DHX40: variants seen among roughly 807,000 people sequenced by gnomAD.
DHX40 encodes DEAH-box helicase 40.
In DHX40, 28 loss-of-function variants were observed where a neutral mutation model predicts 89.6. That is an observed-to-expected ratio of 0.31 (90% CI 0.23 to 0.43). The LOEUF (loss-of-function observed/expected upper bound fraction) is 0.43, where lower values mean the gene tolerates loss of function less well. DHX40 is among the 20% of genes least tolerant of loss of function. The pLI is 1.00. For missense variants in DHX40, 457 were observed against 844.0 expected (o/e 0.54, Z 5.68); for synonymous variants, 226 against 283.6 (o/e 0.80, Z 2.04).
intron 13 of DHX40, 36 bp downstream of exon 13, chr17:59,598,887 A>G (rs2030293150): frequency 5.6e-6 from 8 of 1,434,826 alleles, no homozygotes; most frequent in Admixed American, 1.7e-5. Flanking sequence ...AAAAATGTCA[A>G]TTTGATGTAT....
chr17:59,566,068 C>G (rs957609181), intron 1 of DHX40, among the ~76,000 whole-genome samples: 2 of 152,140 alleles, frequency 1.3e-5, no homozygotes, highest in Non-Finnish European at 2.9e-5. Context: ...ACCCTTTGTT[C>G]TCTACCCATT....
chr17:59,592,112 C>T (rs906244267), intron 12 of DHX40, among the ~76,000 whole-genome samples: 4 of 151,546 alleles, frequency 2.6e-5, no homozygotes, highest in African/African-American at 9.7e-5. Flanking sequence ...CTCAAGCAAT[C>T]CTCCTGCTTT....
intron 14 of DHX40, among the ~76,000 whole-genome samples, chr17:59,600,221 C>G (rs1205298928): frequency 1.3e-5 from 2 of 152,122 alleles, no homozygotes; most frequent in Non-Finnish European, 1.5e-5. Flanking sequence ...TACAGTAAGT[C>G]CTCACTTAAT....
At chr17:59,570,796 C>T in intron 3 of DHX40, 133 bp downstream of exon 3, 2 of 833,516 alleles carry the variant, frequency 2.4e-6, no homozygotes, top group Non-Finnish European at 3.4e-6. Context: ...TGATCTCCTA[C>T]CTCAGCCCCT....
intron 15 of DHX40, chr17:59,604,137 T>C (rs1465006089): frequency 6.6e-6 from 1 of 152,234 alleles, no homozygotes; most frequent in Non-Finnish European, 1.5e-5. Flanking sequence ...TAATTGTTAG[T>C]AATGTATCAG....
chr17:59,588,243 C>A (rs1378649139), intron 12 of DHX40, among the ~76,000 whole-genome samples, 190 bp downstream of exon 12: 2,477 of 136,042 alleles, frequency 0.018, 71 homozygotes, highest in African/African-American at 0.064. Flanking sequence ...AAAAAAAAAC[C>A]AAAAACAAAA....
At position 59,576,901 on chromosome 17, in the gene DHX40, G is replaced by A. The variant is rs953971354; in HGVS notation, c.974-365G>A. Among the ~76,000 whole-genome samples, 8 of 148,006 alleles carry A rather than the reference G, an allele frequency of 5.4e-5. No individual in the cohort carries two copies. In the East Asian group the frequency reaches 5.9e-4, roughly 11 times the overall value. ...TTTTTGTTTTTTGAGATGGAGTCTCGCTCTGTCGCCCAGGCTGGAGTGCAG... is the reference window on the plus strand; with the variant it reads ...TTTTTGTTTTTTGAGATGGAGTCTCACTCTGTCGCCCAGGCTGGAGTGCAG... On this transcript the variant is annotated intron_variant, in intron 7 of 17. Transcript: ENST00000251241.
chr17:59,598,301 A>C (rs2030244010), intron 12 of DHX40, among the ~76,000 whole-genome samples: 1 of 152,346 alleles, frequency 6.6e-6, no homozygotes, highest in South Asian at 2.1e-4. Flanking sequence ...ATATATACAT[A>C]GAAATTACCT....
intron 2 of DHX40, among the ~76,000 whole-genome samples, chr17:59,567,114 A>G (rs754387610): frequency 1.1e-4 from 16 of 152,242 alleles, no homozygotes; most frequent in Non-Finnish European, 1.8e-4. Context: ...TTTGAGGGGT[A>G]AGAGATATGT....
Position 59,604,984 on chromosome 17 carries a change from A to C in DHX40, c.1902-131A>C, listed in dbSNP as rs528778052. 9 of 734,772 alleles carry C rather than the reference A, an allele frequency of 1.2e-5. No individual in the cohort carries two copies. In the African/African-American group the frequency reaches 1.6e-4, roughly 13 times the overall value. The allele number at this position is 734,772 out of a possible 1,614,324, so 45.5% of individuals were successfully genotyped here. A position where few individuals can be genotyped will look rare whatever the true frequency, so the allele number is the denominator to read the frequency against. ...AGAGAGCTTGTAGTGACAGTTGAAT[A>C]AATGTAAACCTCTGCTTATAATGCT... is the stretch of plus-strand genomic sequence containing the variant. On this transcript the variant is annotated intron_variant, in intron 15 of 17. Transcript: ENST00000251241.
chr17:59,590,992 G>A (rs1047570404), intron 12 of DHX40, among the ~76,000 whole-genome samples: 18 of 150,828 alleles, frequency 1.2e-4, no homozygotes, highest in Non-Finnish European at 2.1e-4. Context: ...GGGCAACATA[G>A]CAAGACCCCA....
chr17:59,595,864 G>T (rs1381046310), intron 12 of DHX40, among the ~76,000 whole-genome samples: 2 of 145,066 alleles, frequency 1.4e-5, no homozygotes, highest in Admixed American at 7.0e-5. Flanking sequence ...GGTGAGATAA[G>T]GCTCACTAGC....
rs1165302003 is a variant in DHX40, at chr17:59,607,955, T to C, written c.*783T>C. ...TACGTACTTATATCAGCACCATGTA[T>C]GTAGGTGTGATAGTACTTTCAAACA... On this transcript the variant is annotated 3_prime_UTR_variant, in exon 18 of 18. Coordinates refer to ENST00000251241, the MANE Select transcript of DHX40 (RefSeq NM_024612.5). 1 of 154,438 alleles carries C rather than the reference T, an allele frequency of 6.5e-6. No homozygotes were observed. Among genetic ancestry groups the C allele is most frequent in the Non-Finnish European group, 1.5e-5 (1 of 68,170 alleles). 9.6% of individuals were successfully genotyped at this position (154,438 alleles called of 1,614,324 possible).
chr17:59,577,267 T>C lies in DHX40; in HGVS notation c.975T>C (p.Asp325=). The part of the protein sequence containing the change: ...ILPCYGSMTT[D]QQRRIFLPPP... Reference sequence around the variant, plus strand: ...ATTTTCTTTTTATATATACTTCAGATCAACAGAGGAGGATATTTTTGCCAC... The same window carrying C: ...ATTTTCTTTTTATATATACTTCAGACCAACAGAGGAGGATATTTTTGCCAC... Residue 325 remains aspartate, a splice_region_variant and synonymous_variant, in exon 8 of 18, where the codon GAT becomes GAC. Transcript: ENST00000251241. 6.2e-7 allele frequency: 1 copy of C among 1,612,472 alleles called. No homozygotes were observed.
At chr17:59,586,533 G>A (rs1005146394) in intron 11 of DHX40, among the ~76,000 whole-genome samples, 2 of 151,904 alleles carry the variant, frequency 1.3e-5, no homozygotes, top group Non-Finnish European at 2.9e-5. Flanking sequence ...GGGCGTGGTG[G>A]TGGGCGCCTG....
chr17:59,586,553 C>G (rs899349162), intron 11 of DHX40, among the ~76,000 whole-genome samples: 1 of 151,596 alleles, frequency 6.6e-6, no homozygotes, highest in African/African-American at 2.4e-5. Flanking sequence ...GTAGTCCCAG[C>G]TACTCGGGAG....
chr17:59,574,129 G>T, intron 5 of DHX40, 59 bp from the exon 6 acceptor site: 1 of 540,934 alleles, frequency 1.8e-6, no homozygotes. Context: ...CAAGGGAAGT[G>T]GTGGTAAGGG....
At chr17:59,575,212 T>C in intron 6 of DHX40, 128 bp from the exon 7 acceptor site, 2 of 680,922 alleles carry the variant, frequency 2.9e-6, no homozygotes, top group Admixed American at 7.2e-5. Context: ...TGTGTTCATC[T>C]CCTTTACATT....
Position 59,607,604 on chromosome 17 carries a change from ATATC to A in DHX40, c.*433_*436del, listed in dbSNP as rs1398042088. 7 of 292,254 alleles carry A rather than the reference ATATC, an allele frequency of 2.4e-5. No individual in the cohort carries two copies. Among genetic ancestry groups the A allele is most frequent in the African/African-American group, 1.5e-4 (7 of 46,960 alleles). The allele number at this position is 292,254 out of a possible 1,614,324, so 18.1% of individuals were successfully genotyped here. A position where few individuals can be genotyped will look rare whatever the true frequency, so the allele number is the denominator to read the frequency against. On this transcript the variant is annotated 3_prime_UTR_variant, in exon 18 of 18. Transcript: ENST00000251241. The stretch of plus-strand genomic sequence containing the variant: ...CTTGTTGCTGTTAGAATAGTGCTAT[ATATC>A]AGGTATGTGACCATTTATTTCAGAA...
Sources: allele counts gnomAD v4.1 joint callset (sites outside exome capture counted in the v4.1 genomes callset), GRCh38; gene constraint gnomAD v4.1.1; transcripts MANE v1.5; gene names NCBI Gene and HGNC (gene_info 2026-07-23, HGNC 2026-07-21).